OXR1: variants seen among roughly 807,000 people sequenced by gnomAD.
OXR1 encodes oxidation resistance 1.
A neutral mutation model predicts 104.6 loss-of-function variants in OXR1; 41 were observed. The observed-to-expected ratio is 0.39, with a 90% CI of 0.31 to 0.51. OXR1 has a LOEUF of 0.51. Among genes scored for constraint, OXR1 ranks in the 20% least tolerant of loss-of-function variants. OXR1 has a pLI of 0.77. For missense variants in OXR1, 955 were observed against 1,031.9 expected, an observed-to-expected ratio of 0.93 and a Z score of 1.02; for synonymous variants, 348 against 348.4, an observed-to-expected ratio of 1.00 and a Z score of 0.01.
chr8:106,439,404 GA>G (rs149305889), intron 2 of OXR1, among the ~76,000 whole-genome samples: 1 of 151,162 alleles, frequency 6.6e-6, no homozygotes, highest in East Asian at 1.9e-4. Flanking sequence ...AGAACTGTGA[GA>G]AAAAAAAAGT....
At chr8:106,546,667 T>C (rs566177096) in intron 3 of OXR1, among the ~76,000 whole-genome samples, 2 of 152,294 alleles carry the variant, frequency 1.3e-5, no homozygotes, top group African/African-American at 4.8e-5. Flanking sequence ...TGTATTCCCC[T>C]CATGGTCAGT....
At chr8:106,440,616 A>G (rs1563524553) in intron 2 of OXR1, among the ~76,000 whole-genome samples, 1 of 152,106 alleles carries the variant, frequency 6.6e-6, no homozygotes, top group Non-Finnish European at 1.5e-5. Flanking sequence ...ACTGTTGAAT[A>G]GATTACTAGC....
chr8:106,694,745 T>C lies in OXR1; in HGVS notation c.675+1868T>C, dbSNP rs1162449225. Reference sequence around the variant, plus strand: ...ATTTTTATATATTTATATATATATTTATATATTAATATATATATTTAATAG... The same window carrying C: ...ATTTTTATATATTTATATATATATTCATATATTAATATATATATTTAATAG... On this transcript the variant is annotated intron_variant, in intron 7 of 16. Transcript: ENST00000517566. Among the ~76,000 whole-genome samples, 18 of 116,516 alleles carry C rather than the reference T, an allele frequency of 1.5e-4. 1 individual carries two copies. In the East Asian group the frequency reaches 4.4e-3, roughly 29 times the overall value. 76.4% of individuals were successfully genotyped at this position (116,516 alleles called of 152,430 possible). A position where few individuals can be genotyped will look rare whatever the true frequency, so the allele number is the denominator to read the frequency against.
At chr8:106,342,035 C>G (rs1815274725) in intron 1 of OXR1, among the ~76,000 whole-genome samples, 1 of 139,976 alleles carries the variant, frequency 7.1e-6, no homozygotes, top group African/African-American at 2.9e-5. Context: ...ACCACCATGC[C>G]CAGCTGATTA....
At position 106,359,500 on chromosome 8, in the gene OXR1, A is replaced by G; in HGVS notation, c.-114A>G. 1 of 735,870 alleles carries G rather than the reference A, an allele frequency of 1.4e-6. No homozygotes were observed. The highest frequency in any genetic ancestry group is 2.5e-6 in the Non-Finnish European group (1 of 408,132). The allele number at this position is 735,870 out of a possible 1,614,324, so 45.6% of individuals were successfully genotyped here. A position where few individuals can be genotyped will look rare whatever the true frequency, so the allele number is the denominator to read the frequency against. ...GGTCCTCTCAAACTGTGAGTAACTA[A>G]GTGGTTTGTGCATCATTCCAGAAGC... is the stretch of plus-strand genomic sequence containing the variant. On this transcript the variant is annotated 5_prime_UTR_variant, in exon 2 of 17. Transcript: ENST00000517566.
chr8:106,314,332 G>A (rs147116021), intron 1 of OXR1, among the ~76,000 whole-genome samples: 1 of 152,254 alleles, frequency 6.6e-6, no homozygotes, highest in Non-Finnish European at 1.5e-5. Flanking sequence ...CTTATTATGG[G>A]CCACCATACC....
intron 2 of OXR1, among the ~76,000 whole-genome samples, chr8:106,405,693 G>A (rs1447053847): frequency 1.3e-5 from 2 of 152,042 alleles, no homozygotes; most frequent in Admixed American, 6.6e-5. Context: ...AGGTATCCCA[G>A]CCATGATGAT....
rs145929849 is a variant in OXR1, at chr8:106,563,296, C to CA, written c.220+44175dup. 7.0e-3 allele frequency among the ~76,000 whole-genome samples: 878 copies of CA among 125,602 alleles called. 6 individuals carry two copies. The highest frequency in any genetic ancestry group is 0.021 in the African/African-American group (718 of 33,678). The allele number at this position is 125,602 out of a possible 152,430, so 82.4% of individuals were successfully genotyped here. A position where few individuals can be genotyped will look rare whatever the true frequency, so the allele number is the denominator to read the frequency against. ...GAAGATTTACCAAGCAAATGGAAAG[C>CA]AAAAAAAAAAAAAAAAAAGAAAAAA... On this transcript the variant is annotated intron_variant, in intron 3 of 16. Transcript: ENST00000517566.
rs147034936 is a variant in OXR1 at position 106,706,898 on chromosome 8, C to T, written c.1377C>T (p.His459=). The T allele has an allele frequency of 3.1e-6, 5 of 1,612,180 alleles. No homozygotes were observed. Among genetic ancestry groups the T allele is most frequent in the Middle Eastern group, 1.7e-4 (1 of 6,050 alleles). Residue 459 remains histidine, a synonymous_variant, in exon 9 of 17, where the codon CAC becomes CAT. Coordinates refer to ENST00000517566, the MANE Select transcript of OXR1 (RefSeq NM_001198533.2). ...QDSFLHENSL[H]QEESQKENMP... is the part of the protein sequence containing the mutation. ...CTTTTCTTCATGAGAATTCGTTACACCAAGAAGAGAGTCAAAAAGAAAATA... is the reference window on the plus strand; with the variant it reads ...CTTTTCTTCATGAGAATTCGTTACATCAAGAAGAGAGTCAAAAAGAAAATA...
intron 2 of OXR1, among the ~76,000 whole-genome samples, chr8:106,407,119 A>T (rs1007783502): frequency 6.6e-6 from 1 of 152,140 alleles, no homozygotes; most frequent in African/African-American, 2.4e-5. Flanking sequence ...ATTAAACTAA[A>T]TGTTTCCCTC....
intron 2 of OXR1, among the ~76,000 whole-genome samples, chr8:106,431,093 C>T (rs1440337532): frequency 6.6e-6 from 1 of 152,154 alleles, no homozygotes; most frequent in Non-Finnish European, 1.5e-5. Context: ...AGAAGTCCAA[C>T]TATCCTGAGG....
chr8:106,478,346 A>T (rs1821917845), intron 2 of OXR1, among the ~76,000 whole-genome samples: 1 of 151,918 alleles, frequency 6.6e-6, no homozygotes, highest in Non-Finnish European at 1.5e-5. Context: ...GTGAATTCAA[A>T]ATTACTGGAG....
At position 106,708,593 on chromosome 8, in the gene OXR1, T is replaced by C. The variant is rs143419239; in HGVS notation, c.1624+1448T>C. On this transcript the variant is annotated intron_variant, in intron 9 of 16. Coordinates refer to ENST00000517566, the MANE Select transcript of OXR1 (RefSeq NM_001198533.2). ...ATGCCTTCAAAGTTCATTTATTCTGTAATATGTGTCAGAATTTCCTATCTT... is the reference window on the plus strand; with the variant it reads ...ATGCCTTCAAAGTTCATTTATTCTGCAATATGTGTCAGAATTTCCTATCTT... Among the ~76,000 whole-genome samples the C allele has an allele frequency of 6.0e-4, 91 of 152,312 alleles. 1 individual carries two copies. The highest frequency in any genetic ancestry group is 1.0e-3 in the Non-Finnish European group (71 of 68,024).
chr8:106,296,651 G>C (rs751219326), intron 1 of OXR1, among the ~76,000 whole-genome samples: 9 of 152,138 alleles, frequency 5.9e-5, no homozygotes, highest in Non-Finnish European at 1.5e-5. Context: ...TTGTGTTGAT[G>C]AATAGTAGTA....
intron 3 of OXR1, among the ~76,000 whole-genome samples, chr8:106,607,452 G>C (rs1280632723): frequency 2.0e-5 from 3 of 152,122 alleles, no homozygotes; most frequent in Admixed American, 2.0e-4. Flanking sequence ...GTCCTCTCAA[G>C]TAGCCTTCCT....
chr8:106,315,900 T>C (rs1170820034), intron 1 of OXR1, among the ~76,000 whole-genome samples: 2 of 152,208 alleles, frequency 1.3e-5, no homozygotes, highest in Non-Finnish European at 2.9e-5. Flanking sequence ...AAAACACTTT[T>C]TTCACGTGTG....
chr8:106,596,603 A>T (rs1249005035), intron 3 of OXR1, among the ~76,000 whole-genome samples: 1 of 152,224 alleles, frequency 6.6e-6, no homozygotes, highest in Non-Finnish European at 1.5e-5. Context: ...GAGGGTGTAC[A>T]CATTGTATTT....
chr8:106,530,541 A>T (rs1470719037), intron 3 of OXR1, among the ~76,000 whole-genome samples: 1 of 152,226 alleles, frequency 6.6e-6, no homozygotes, highest in Non-Finnish European at 1.5e-5. Flanking sequence ...TGACTGAAAG[A>T]ATATTACTTA....
At chr8:106,500,133 A>G (rs1811688845) in intron 2 of OXR1, among the ~76,000 whole-genome samples, 1 of 152,236 alleles carries the variant, frequency 6.6e-6, no homozygotes, top group South Asian at 2.1e-4. Flanking sequence ...AAAGAAATAA[A>G]ATAAGTTAGT....
Sources: allele counts gnomAD v4.1 joint callset (sites outside exome capture counted in the v4.1 genomes callset), GRCh38; gene constraint gnomAD v4.1.1; transcripts MANE v1.5; gene names NCBI Gene and HGNC (gene_info 2026-07-23, HGNC 2026-07-21).